ADAMTS7: variants seen among roughly 807,000 people sequenced by gnomAD.
ADAMTS7 encodes the protein ADAM metallopeptidase with thrombospondin type 1 motif 7, also known as A disintegrin and metalloproteinase with thrombospondin motifs 7.
In ADAMTS7, 89 loss-of-function variants were observed where a neutral mutation model predicts 172.6. The observed-to-expected ratio is 0.52, with a 90% CI of 0.43 to 0.61. The LOEUF (loss-of-function observed/expected upper bound fraction) is 0.61, where lower values mean the gene tolerates loss of function less well. Ranked by LOEUF, ADAMTS7 falls within the 20% of genes least tolerant of loss-of-function variation. The pLI is 0.00. For missense variants in ADAMTS7, 1,973 were observed against 2,355.6 expected, an observed-to-expected ratio of 0.84 and a Z score of 3.36; for synonymous variants, 885 against 978.4, an observed-to-expected ratio of 0.90 and a Z score of 1.78.
chr15:78,784,408 G>GGGGA lies in ADAMTS7; in HGVS notation c.1322+3819_1322+3822dup, dbSNP rs145739330. 1.1e-3 allele frequency among the ~76,000 whole-genome samples: 108 copies of GGGGA among 99,710 alleles called. 1 individual carries two copies. Among genetic ancestry groups the GGGGA allele is most frequent in the South Asian group, 9.2e-3 (23 of 2,488 alleles). 65.4% of individuals were successfully genotyped at this position (99,710 alleles called of 152,430 possible). On this transcript the variant is annotated intron_variant, in intron 8 of 23. Transcript: ENST00000388820. ...AGAGAGGGAGAGGGAGAGGAAGAGG[G>GGGGA]GGGAGGGAGGGAGGGAGGGAGGGAG...
chr15:78,801,854 A>G (rs28691842), intron 1 of ADAMTS7, among the ~76,000 whole-genome samples: 57,514 of 149,204 alleles, frequency 0.39, 11,365 homozygotes, highest in African/African-American at 0.51. Context: ...ATTTTTTTTT[A>G]TTTTTAATTT....
At chr15:78,800,777 T>A (rs1567241432) in intron 1 of ADAMTS7, among the ~76,000 whole-genome samples, 1 of 152,212 alleles carries the variant, frequency 6.6e-6, no homozygotes, top group Non-Finnish European at 1.5e-5. Flanking sequence ...GTTTTGGGTT[T>A]TTTGTTTGTT....
rs1181361881 is a variant in ADAMTS7 at position 78,800,420 on chromosome 15, T to G, written c.228A>C (p.Arg76=). 27 of 1,609,978 alleles carry G rather than the reference T, an allele frequency of 1.7e-5. No individual in the cohort carries two copies. Among genetic ancestry groups the G allele is most frequent in the Non-Finnish European group, 2.3e-5 (27 of 1,178,460 alleles). The stretch of plus-strand genomic sequence containing the variant: ...GTAGCTCGTAGAAGGCGGGCGCGTC[T>G]CGGCGCACAGATACATCCCGCTTGC... ...ALRKRDVSVR[R]DAPAFYELQY... Residue 76 remains arginine (R), a synonymous_variant, in exon 2 of 24, where the codon CGA becomes CGC. Transcript: ENST00000388820.
In ADAMTS7 at chr15:78,776,171, C is replaced by T; in HGVS notation, c.1706+17G>A. The T allele has an allele frequency of 1.2e-6, 2 of 1,600,260 alleles. No homozygotes were observed. Among genetic ancestry groups the T allele is most frequent in the Non-Finnish European group, 8.5e-7 (1 of 1,172,376 alleles). On this transcript the variant is annotated intron_variant, in intron 11 of 23. Transcript: ENST00000388820. ...CTCTGTCCCACTGCCCAAGGGCACCCTGGGCCCCACACTCACGTAGGCTGC... is the reference window on the plus strand; with the variant it reads ...CTCTGTCCCACTGCCCAAGGGCACCTTGGGCCCCACACTCACGTAGGCTGC...
At position 78,767,582 on chromosome 15, in the gene ADAMTS7, C is replaced by T; in HGVS notation, c.2656G>A (p.Gly886Ser). The change falls in exon 18 of 24, where the codon GGT becomes AGT. Residue 886 changes from glycine to serine, a missense_variant. Gly to Ser is a moderately conservative substitution (Grantham distance 56). This residue lies in a region of ADAMTS7 where 771 missense variants were observed against 952.6 expected (regional missense o/e 0.81). Coordinates refer to ENST00000388820, the MANE Select transcript of ADAMTS7 (RefSeq NM_014272.5). ...EQPCPARWWA[G>S]EWQLCSSSCG... ...GAGCTGGAGCACAGCTGCCACTCACCTGCCCACCACCTGGCGAGGGCACAC... is the reference window on the plus strand; with the variant it reads ...GAGCTGGAGCACAGCTGCCACTCACTTGCCCACCACCTGGCGAGGGCACAC... 1 of 1,545,352 alleles carries T rather than the reference C, an allele frequency of 6.5e-7. No individual in the cohort carries two copies. Among genetic ancestry groups the T allele is most frequent in the Non-Finnish European group, 8.7e-7 (1 of 1,144,246 alleles).
Position 78,800,319 on chromosome 15 carries a change from G to C in ADAMTS7, c.329C>G (p.Thr110Arg), listed in dbSNP as rs749512576. Residue 110 changes from threonine to arginine, a missense_variant, in exon 2 of 24, where the codon ACG (threonine) becomes AGG (arginine). This residue lies in a region of ADAMTS7 where 306 missense variants were observed against 288.0 expected (regional missense o/e 1.06). Transcript: ENST00000388820. ...GCGGCCCAGGCCGCCGCGCCGCCGC[G>C]TCTCGCTCACAAAGCCGGGCGCCAG... is the stretch of plus-strand genomic sequence containing the variant. The part of the protein sequence containing the change: ...HLLAPGFVSE[T>R]RRRGGLGRAH... 1.0e-5 allele frequency: 16 copies of C among 1,596,654 alleles called. No individual in the cohort carries two copies. Among genetic ancestry groups the C allele is most frequent in the Non-Finnish European group, 1.2e-5 (14 of 1,174,444 alleles).
chr15:78,759,344 G>A lies in ADAMTS7; in HGVS notation c.*77C>T, dbSNP rs1357611078. Reference sequence around the variant, plus strand: ...GTGAGAGGGGGTTAGCACCATTAGGGCGCAGGGGGCGGGAGCTCCGCCACA... The same window carrying A: ...GTGAGAGGGGGTTAGCACCATTAGGACGCAGGGGGCGGGAGCTCCGCCACA... On this transcript the variant is annotated 3_prime_UTR_variant, in exon 24 of 24. Transcript: ENST00000388820. The A allele has an allele frequency of 3.5e-6, 5 of 1,442,762 alleles. No homozygotes were observed. In the Admixed American group the frequency reaches 9.0e-5, roughly 26 times the overall value. The allele number at this position is 1,442,762 out of a possible 1,614,324, so 89.4% of individuals were successfully genotyped here. A position where few individuals can be genotyped will look rare whatever the true frequency, so the allele number is the denominator to read the frequency against.
chr15:78,769,517 C>G (rs2055212401), intron 16 of ADAMTS7, among the ~76,000 whole-genome samples: 1 of 152,236 alleles, frequency 6.6e-6, no homozygotes, highest in Non-Finnish European at 1.5e-5. Flanking sequence ...GCACAAGTCC[C>G]TCGCTGGGAG....
Position 78,808,725 on chromosome 15 carries a change from C to G in ADAMTS7, c.100+2396G>C, listed in dbSNP as rs529373676. The stretch of plus-strand genomic sequence containing the variant: ...AGTAATTGCAGGTTCCAGTCTCGAC[C>G]GGTTATGTGCTTGCAACAAAGCTGA... On this transcript the variant is annotated intron_variant, in intron 1 of 23. Transcript: ENST00000388820. Among the ~76,000 whole-genome samples the G allele has an allele frequency of 3.9e-5, 6 of 152,222 alleles. No individual in the cohort carries two copies. In the South Asian group the frequency reaches 1.0e-3, roughly 26 times the overall value.
chr15:78,768,003 C>T, intron 17 of ADAMTS7, 130 bp downstream of exon 17: 2 of 402,068 alleles, frequency 5.0e-6, no homozygotes, highest in Non-Finnish European at 8.5e-6. Context: ...ATGTAGGGAC[C>T]TGTGGCAGAC....
intron 1 of ADAMTS7, among the ~76,000 whole-genome samples, chr15:78,801,002 A>T (rs545861230): frequency 1.6e-3 from 247 of 152,026 alleles, no homozygotes; most frequent in Non-Finnish European, 3.1e-3. Context: ...CGGCCTCCCA[A>T]AGTGCTGCAA....
In ADAMTS7 at chr15:78,806,612, G is replaced by A. The variant is rs190856260; in HGVS notation, c.100+4509C>T. 2.9e-4 allele frequency among the ~76,000 whole-genome samples: 44 copies of A among 152,112 alleles called. No individual in the cohort carries two copies. The South Asian group carries it at 7.7e-3, about 27-fold the overall frequency. On this transcript the variant is annotated intron_variant, in intron 1 of 23. Transcript: ENST00000388820. ...GCTTGGAGAATCCAGGCCAGAAAAC[G>A]TAAGGAAGGGAGCCCAGGTCAAGGA... is the stretch of plus-strand genomic sequence containing the variant.
intron 16 of ADAMTS7, among the ~76,000 whole-genome samples, chr15:78,768,489 G>A (rs558774598): frequency 1.3e-5 from 2 of 152,178 alleles, no homozygotes; most frequent in Admixed American, 6.5e-5. Flanking sequence ...CTGGAGGGGT[G>A]GCAGAGTGTG....
Position 78,811,374 on chromosome 15 carries a change from C to A in ADAMTS7, c.-154G>T, listed in dbSNP as rs1433400987. On this transcript the variant is annotated 5_prime_UTR_variant, in exon 1 of 24. Transcript: ENST00000388820. ...CGACTCCGTTCGGCTGCGCTCGGTC[C>A]GCGGGCAACAAAGGCTGCAGGGCCC... 11 of 952,086 alleles carry A rather than the reference C, an allele frequency of 1.2e-5. No individual in the cohort carries two copies. Among genetic ancestry groups the A allele is most frequent in the Non-Finnish European group, 1.1e-5 (8 of 738,290 alleles). 59.0% of individuals were successfully genotyped at this position (952,086 alleles called of 1,614,324 possible). A position where few individuals can be genotyped will look rare whatever the true frequency, so the allele number is the denominator to read the frequency against.
At chr15:78,776,625 G>A in intron 10 of ADAMTS7, 124 bp downstream of exon 10, 1 of 1,052,612 alleles carries the variant, frequency 9.5e-7, no homozygotes, top group Non-Finnish European at 1.4e-6. Flanking sequence ...TTGGGCTGCA[G>A]AGAGCGTGGG....
intron 1 of ADAMTS7, 166 bp downstream of exon 1, chr15:78,810,955 C>G: frequency 3.9e-6 from 3 of 770,988 alleles, no homozygotes; most frequent in Non-Finnish European, 5.3e-6. Context: ...CGGCCCGGCC[C>G]GACCCCGACT....
rs1043258493 is a variant in ADAMTS7 at position 78,808,731 on chromosome 15, T to C, written c.100+2390A>G. ...TGCAGGTTCCAGTCTCGACCGGTTA[T>C]GTGCTTGCAACAAAGCTGAGCCTGC... is the stretch of plus-strand genomic sequence containing the variant. On this transcript the variant is annotated intron_variant, in intron 1 of 23. Coordinates refer to ENST00000388820, the MANE Select transcript of ADAMTS7 (RefSeq NM_014272.5). Among the ~76,000 whole-genome samples the C allele has an allele frequency of 3.3e-5, 5 of 152,292 alleles. No individual in the cohort carries two copies. The East Asian group carries it at 5.8e-4, about 18-fold the overall frequency.
chr15:78,789,974 C>T (rs1328681634), intron 6 of ADAMTS7, 136 bp from the exon 7 acceptor site: 1 of 1,278,890 alleles, frequency 7.8e-7, no homozygotes, highest in East Asian at 2.5e-5. Context: ...TGACATGAGG[C>T]CAGCACGGTG....
rs559042090 is a variant in ADAMTS7, at chr15:78,783,372, C to T, written c.1322+4859G>A. Among the ~76,000 whole-genome samples, 9 of 152,254 alleles carry T rather than the reference C, an allele frequency of 5.9e-5. No homozygotes were observed. In the South Asian group the frequency reaches 6.2e-4, roughly 11 times the overall value. On this transcript the variant is annotated intron_variant, in intron 8 of 23. Coordinates refer to ENST00000388820, the MANE Select transcript of ADAMTS7 (RefSeq NM_014272.5). The stretch of plus-strand genomic sequence containing the variant: ...GCAGCCTCTGCCTCCCGGGTTCAAG[C>T]GATTCTCCTGCCTCAGCCTCCTGAG...
Sources: allele counts gnomAD v4.1 joint callset (sites outside exome capture counted in the v4.1 genomes callset), GRCh38; gene constraint gnomAD v4.1.1; regional missense constraint gnomAD v4.1.1; transcripts MANE v1.5; gene names NCBI Gene and HGNC (gene_info 2026-07-23, HGNC 2026-07-21).